SPEF2: variants seen among roughly 807,000 people sequenced by gnomAD.
SPEF2 encodes sperm flagella and cilia-associated protein 2.
Under a neutral mutation model 224.6 loss-of-function variants are expected in SPEF2, and 187 were observed. The observed-to-expected ratio is 0.83, with a 90% CI of 0.74 to 0.94. The LOEUF (loss-of-function observed/expected upper bound fraction) is 0.94. Among genes scored for constraint, SPEF2 ranks in the 40% least tolerant of loss-of-function variants. The pLI is 0.00. For synonymous variants in SPEF2, 715 were observed against 707.3 expected (o/e 1.01, Z -0.17); for missense variants, 2,170 against 2,135.6 (o/e 1.02, Z -0.32).
intron 21 of SPEF2, among the ~76,000 whole-genome samples, chr5:35,728,197 GAA>G (rs1178328172): frequency 6.6e-6 from 1 of 152,136 alleles, no homozygotes; most frequent in Non-Finnish European, 1.5e-5. Flanking sequence ...GCTTTTAAGT[GAA>G]GTTTAACCTT....
At chr5:35,766,022 T>C (rs1222738057) in intron 26 of SPEF2, among the ~76,000 whole-genome samples, 1 of 152,168 alleles carries the variant, frequency 6.6e-6, no homozygotes, top group Non-Finnish European at 1.5e-5. Flanking sequence ...TTACTGGGTT[T>C]GTTTTGTTAA....
In SPEF2 at chr5:35,806,798, A is replaced by T; in HGVS notation, c.5102A>T (p.Glu1701Val). The change falls in exon 35 of 37, where the codon GAG becomes GTG. Residue 1701 changes from glutamate to valine, a missense_variant. Coordinates refer to ENST00000356031, the MANE Select transcript of SPEF2 (RefSeq NM_024867.4). ...REERKLKDDTEKREQKDEEIP... is the reference protein window; with the variant it reads ...REERKLKDDTVKREQKDEEIP... ...GAAAGGAAATTAAAAGACGACACGG[A>T]GAAAAGGGAACAGAAGGATGAAGAA... 3 of 1,614,032 alleles carry T rather than the reference A, an allele frequency of 1.9e-6. No homozygotes were observed.
In SPEF2 at chr5:35,700,604, A is replaced by G; in HGVS notation, c.2250A>G (p.Glu750=). The change falls in exon 16 of 37, where the codon GAA becomes GAG. Residue 750 remains glutamate, a synonymous_variant. Coordinates refer to ENST00000356031, the MANE Select transcript of SPEF2 (RefSeq NM_024867.4). ...CAGGCTGCAATAGAAACCTCACAGA[A>G]GTGGAAAGAAAAAAAGCACAAAAAT... The part of the protein sequence containing the change: ...ALTGCNRNLT[E]VERKKAQKST... The G allele has an allele frequency of 6.2e-7, 1 of 1,613,914 alleles. No individual in the cohort carries two copies. The highest frequency in any genetic ancestry group is 8.5e-7 in the Non-Finnish European group (1 of 1,179,930).
chr5:35,650,013 C>T (rs1747951909), intron 6 of SPEF2, among the ~76,000 whole-genome samples: 1 of 152,092 alleles, frequency 6.6e-6, no homozygotes, highest in Non-Finnish European at 1.5e-5. Flanking sequence ...GTAGGAACAA[C>T]TTGGGTTTTT....
At chr5:35,624,231 A>G (rs929929212) in intron 1 of SPEF2, among the ~76,000 whole-genome samples, 1 of 152,244 alleles carries the variant, frequency 6.6e-6, no homozygotes, top group East Asian at 1.9e-4. Context: ...GGGACCAGGC[A>G]TGTGGCTTGG....
chr5:35,720,141 C>T (rs1300068623), intron 20 of SPEF2, among the ~76,000 whole-genome samples: 1 of 152,138 alleles, frequency 6.6e-6, no homozygotes, highest in Non-Finnish European at 1.5e-5. Context: ...AACTATATTT[C>T]CATAAGAATA....
chr5:35,726,776 G>A (rs775959972), intron 20 of SPEF2, among the ~76,000 whole-genome samples: 8 of 152,070 alleles, frequency 5.3e-5, no homozygotes, highest in Admixed American at 6.5e-5. Context: ...AATTTTAAAC[G>A]GAGTGAATTT....
At chr5:35,811,767 CTT>C (rs1203514196) in intron 36 of SPEF2, among the ~76,000 whole-genome samples, 5 of 115,388 alleles carry the variant, frequency 4.3e-5, no homozygotes, top group Admixed American at 9.4e-5. Context: ...TTTGCCATTA[CTT>C]TTTTTTTTTT....
intron 26 of SPEF2, among the ~76,000 whole-genome samples, chr5:35,771,310 C>G (rs1370851947): frequency 3.9e-5 from 6 of 151,956 alleles, no homozygotes; most frequent in Non-Finnish European, 5.9e-5. Context: ...TTTTGCATAA[C>G]CATGGAGTTG....
In SPEF2 at chr5:35,740,381, T is replaced by C. The variant is rs574954602; in HGVS notation, c.3330+114T>C. ...TGAAGTATGAGGATGAGAAAGAAAA[T>C]GGTTTGAACTATTAACCAGGTAACT... On this transcript the variant is annotated intron_variant, in intron 23 of 36. Coordinates refer to ENST00000356031, the MANE Select transcript of SPEF2 (RefSeq NM_024867.4). 75 of 1,355,086 alleles carry C rather than the reference T, an allele frequency of 5.5e-5. 1 individual carries two copies. The South Asian group carries it at 9.8e-4, about 18-fold the overall frequency. 83.9% of individuals were successfully genotyped at this position (1,355,086 alleles called of 1,614,324 possible).
At chr5:35,806,597 C>G in intron 34 of SPEF2, 110 bp from the exon 35 acceptor site, 1 of 1,359,520 alleles carries the variant, frequency 7.4e-7, no homozygotes, top group Non-Finnish European at 1.0e-6. Context: ...TTGTGGTAGG[C>G]TCTGTCATTC....
chr5:35,659,163 G>A lies in SPEF2; in HGVS notation c.1123G>A (p.Glu375Lys). ...NRIFREKQHE[E>K]RRLKDFQDAL... ...AATTTTCAGAGAAAAACAACATGAG[G>A]AAAGACGACTTAAAGATTTCCAGGA... The change falls in exon 8 of 37, where the codon GAA becomes AAA. Residue 375 changes from glutamate to lysine, a missense_variant. Glu to Lys is a moderately conservative substitution (Grantham distance 56). Transcript: ENST00000356031. The A allele has an allele frequency of 6.2e-7, 1 of 1,612,544 alleles. No individual in the cohort carries two copies. Among genetic ancestry groups the A allele is most frequent in the Non-Finnish European group, 8.5e-7 (1 of 1,179,138 alleles).
At chr5:35,733,691 A>C (rs1746048822) in intron 21 of SPEF2, among the ~76,000 whole-genome samples, 1 of 152,202 alleles carries the variant, frequency 6.6e-6, no homozygotes, top group South Asian at 2.1e-4. Flanking sequence ...CTTCATCTGC[A>C]TGGTAGTGGA....
intron 20 of SPEF2, among the ~76,000 whole-genome samples, chr5:35,716,699 A>G (rs1734591252): frequency 6.6e-6 from 1 of 152,298 alleles, no homozygotes; most frequent in Admixed American, 6.5e-5. Flanking sequence ...CATATAAATC[A>G]TGTGGTTTTG....
At chr5:35,730,392 A>T (rs1375824901) in intron 21 of SPEF2, among the ~76,000 whole-genome samples, 1 of 152,228 alleles carries the variant, frequency 6.6e-6, no homozygotes, top group Non-Finnish European at 1.5e-5. Context: ...CATGTGGCCC[A>T]TGTAGTGCCC....
chr5:35,790,303 C>T (rs544658828), intron 30 of SPEF2: 16 of 597,606 alleles, frequency 2.7e-5, no homozygotes, highest in Admixed American at 1.2e-4. Context: ...GCAAGAACAC[C>T]GTCTTCAACT....
At chr5:35,806,631 T>C in intron 34 of SPEF2, 76 bp from the exon 35 acceptor site, 2 of 1,518,652 alleles carry the variant, frequency 1.3e-6, no homozygotes, top group Non-Finnish European at 1.8e-6. Flanking sequence ...GATTATGAAA[T>C]TGGTATATTC....
chr5:35,733,263 C>T (rs988278129), intron 21 of SPEF2, among the ~76,000 whole-genome samples: 16 of 152,022 alleles, frequency 1.1e-4, no homozygotes, highest in African/African-American at 3.1e-4. Context: ...TACAGGCGCC[C>T]GCCACCACGC....
chr5:35,684,245 C>T (rs373043262), intron 10 of SPEF2, among the ~76,000 whole-genome samples: 3 of 152,272 alleles, frequency 2.0e-5, no homozygotes, highest in African/African-American at 7.2e-5. Flanking sequence ...CTTCTGATCT[C>T]TTTTCACTCG....
Sources: gnomAD v4.1 joint callset for allele counts (sites outside exome capture counted in the v4.1 genomes callset) on GRCh38, gnomAD v4.1.1 for gene constraint, MANE v1.5 for transcripts, NCBI Gene and HGNC (gene_info 2026-07-23, HGNC 2026-07-21) for gene names.